Variants in ATCAY observed in about 807,000 individuals in gnomAD.
ATCAY encodes the protein ATCAY kinesin light chain interacting caytaxin.
Under a neutral mutation model 47.7 loss-of-function variants are expected in ATCAY, and 22 were observed. The ratio of observed to expected loss-of-function variants is 0.46; its 90% CI spans 0.33 to 0.66. The LOEUF (loss-of-function observed/expected upper bound fraction) is 0.66, where lower values mean the gene tolerates loss of function less well. ATCAY is among the 30% of genes least tolerant of loss of function. The pLI is 0.02. For synonymous variants in ATCAY, 216 were observed against 207.6 expected, an observed-to-expected ratio of 1.04 and a Z score of -0.35; for missense variants, 452 against 515.0, an observed-to-expected ratio of 0.88 and a Z score of 1.18.
intron 12 of ATCAY, among the ~76,000 whole-genome samples, chr19:3,923,433 T>C (rs1395671083): frequency 6.6e-6 from 1 of 152,112 alleles, no homozygotes; most frequent in East Asian, 1.9e-4. Context: ...GATAGGTGGA[T>C]AAATGGATGG....
At chr19:3,902,874 G>C (rs2038827545) in intron 3 of ATCAY, among the ~76,000 whole-genome samples, 1 of 152,204 alleles carries the variant, frequency 6.6e-6, no homozygotes, top group South Asian at 2.1e-4. Context: ...AAATGCCCTG[G>C]AGGCACAAAG....
chr19:3,920,853 C>CAATAGATGAATGGA, intron 12 of ATCAY, 55 bp downstream of exon 12: 1 of 1,593,826 alleles, frequency 6.3e-7, no homozygotes, highest in Non-Finnish European at 8.6e-7. Flanking sequence ...CTTCATGGAC[C>CAATAGATGAATGGA]TGTATTAGTC....
At chr19:3,887,819 A>G (rs1455306066) in intron 2 of ATCAY, among the ~76,000 whole-genome samples, 1 of 151,226 alleles carries the variant, frequency 6.6e-6, no homozygotes, top group South Asian at 2.1e-4. Context: ...GGAAAAAAAA[A>G]AAAAAGGCCG....
chr19:3,902,781 C>A (rs917905155), intron 3 of ATCAY, among the ~76,000 whole-genome samples: 2 of 152,124 alleles, frequency 1.3e-5, no homozygotes, highest in African/African-American at 4.8e-5. Context: ...CTCAGCCTCT[C>A]TGTGCCCCAA....
At chr19:3,915,897 C>A (rs2038962827) in intron 9 of ATCAY, among the ~76,000 whole-genome samples, 1 of 151,688 alleles carries the variant, frequency 6.6e-6, no homozygotes, top group South Asian at 2.1e-4. Context: ...GTCATGTTGG[C>A]CAGGCTGGTC....
At chr19:3,897,761 AG>A (rs1343631638) in intron 2 of ATCAY, among the ~76,000 whole-genome samples, 1 of 151,950 alleles carries the variant, frequency 6.6e-6, no homozygotes, top group Admixed American at 6.6e-5. Context: ...CACAAAAATC[AG>A]CTGAGCATGG....
At chr19:3,905,327 C>T (rs1350738992) in intron 3 of ATCAY, 107 bp from the exon 4 acceptor site, 19 of 1,173,428 alleles carry the variant, frequency 1.6e-5, no homozygotes, top group Non-Finnish European at 7.1e-6. Context: ...AGCCCACCCT[C>T]TCTTCCCATT....
intron 1 of ATCAY, among the ~76,000 whole-genome samples, chr19:3,885,000 G>C (rs1316319068): frequency 1.3e-5 from 2 of 151,634 alleles, no homozygotes. Flanking sequence ...ACTGGTGGGG[G>C]GCTGAGGCAG....
intron 12 of ATCAY, among the ~76,000 whole-genome samples, chr19:3,921,241 C>T (rs1436515132): frequency 6.6e-6 from 1 of 151,580 alleles, no homozygotes; most frequent in Non-Finnish European, 1.5e-5. Flanking sequence ...CCGGGCGCAG[C>T]GTCTCACGCC....
At chr19:3,911,007 G>A (rs1057120123) in intron 8 of ATCAY, 118 bp downstream of exon 8, 5 of 1,100,274 alleles carry the variant, frequency 4.5e-6, no homozygotes, top group Non-Finnish European at 5.4e-6. Flanking sequence ...ATCTGTGTGT[G>A]TGTGCATCCA....
chr19:3,885,975 T>A, intron 2 of ATCAY, 131 bp downstream of exon 2: 1 of 839,792 alleles, frequency 1.2e-6, no homozygotes, highest in Non-Finnish European at 2.0e-6. Context: ...CTCCGCGTCC[T>A]CCTCTCCCGC....
At position 3,926,582 on chromosome 19, in the gene ATCAY, G is replaced by A. The variant is rs2039068677; in HGVS notation, c.*1990G>A. The A allele has an allele frequency of 3.9e-5, 6 of 152,252 alleles. No homozygotes were observed. The highest frequency in any genetic ancestry group is 2.6e-4 in the Admixed American group (4 of 15,256). The allele number at this position is 152,252 out of a possible 1,614,324, so 9.4% of individuals were successfully genotyped here. A position where few individuals can be genotyped will look rare whatever the true frequency, so the allele number is the denominator to read the frequency against. On this transcript the variant is annotated 3_prime_UTR_variant, in exon 13 of 13. Coordinates refer to ENST00000450849, the MANE Select transcript of ATCAY (RefSeq NM_033064.5). ...GAATTGCATTTGGGGTTATTCCAAC[G>A]ATGATGGCAGGGAACTGGTGGTATT...
intron 1 of ATCAY, among the ~76,000 whole-genome samples, chr19:3,883,859 G>T (rs2038623632): frequency 6.6e-6 from 1 of 152,092 alleles, no homozygotes; most frequent in Non-Finnish European, 1.5e-5. Flanking sequence ...CCCAGAGAGG[G>T]AGATGGTCTG....
chr19:3,913,955 G>A (rs2038944148), intron 9 of ATCAY, 99 bp downstream of exon 9: 1 of 1,066,954 alleles, frequency 9.4e-7, no homozygotes, highest in Non-Finnish European at 1.4e-6. Flanking sequence ...AGGTTTAAGG[G>A]GCCGGGCGCG....
At chr19:3,903,306 A>G (rs1377040511) in intron 3 of ATCAY, among the ~76,000 whole-genome samples, 1 of 151,850 alleles carries the variant, frequency 6.6e-6, no homozygotes, top group African/African-American at 2.4e-5. Context: ...AAAAATCATA[A>G]TGTATCAGGC....
In ATCAY at chr19:3,880,936, G is replaced by T. The variant is rs1424197207; in HGVS notation, c.-114G>T. The T allele has an allele frequency of 6.6e-6, 1 of 152,226 alleles. No individual in the cohort carries two copies. The highest frequency in any genetic ancestry group is 1.5e-5 in the Non-Finnish European group (1 of 68,050). 9.4% of individuals were successfully genotyped at this position (152,226 alleles called of 1,614,324 possible). ...CTCTGAAGGCCCGGGGAGCGTGAGC[G>T]ATGCCCAGCTGCACCCGGGCAGGGC... is the stretch of plus-strand genomic sequence containing the variant. On this transcript the variant is annotated 5_prime_UTR_variant, in exon 1 of 13. Coordinates refer to ENST00000450849, the MANE Select transcript of ATCAY (RefSeq NM_033064.5).
chr19:3,911,518 C>A (rs992054956), intron 8 of ATCAY, among the ~76,000 whole-genome samples: 3 of 151,602 alleles, frequency 2.0e-5, no homozygotes, highest in Admixed American at 6.6e-5. Flanking sequence ...AGCAAAACAA[C>A]CCTGTCTCTA....
chr19:3,893,570 G>A (rs1214446124), intron 2 of ATCAY: 3 of 152,124 alleles, frequency 2.0e-5, no homozygotes, highest in Admixed American at 1.3e-4. Context: ...CCAGGGCCAC[G>A]GAGGGGATCT....
At chr19:3,902,833 G>A (rs1264533611) in intron 3 of ATCAY, among the ~76,000 whole-genome samples, 1 of 152,162 alleles carries the variant, frequency 6.6e-6, no homozygotes, top group African/African-American at 2.4e-5. Context: ...TCTCGCAGAG[G>A]GGGCATGTAA....
Sources: allele counts gnomAD v4.1 joint callset (sites outside exome capture counted in the v4.1 genomes callset), GRCh38; gene constraint gnomAD v4.1.1; transcripts MANE v1.5; gene names NCBI Gene and HGNC (gene_info 2026-07-23, HGNC 2026-07-21).